Variants in BBS9 observed in about 807,000 individuals in gnomAD.
BBS9 encodes the protein Bardet-Biedl syndrome 9.
Under a neutral mutation model 117.7 loss-of-function variants are expected in BBS9, and 89 were observed. The ratio of observed to expected loss-of-function variants is 0.76; its 90% CI spans 0.64 to 0.90. The LOEUF (loss-of-function observed/expected upper bound fraction) is 0.90. BBS9 is among the 40% of genes least tolerant of loss of function. The pLI, the probability that BBS9 is intolerant of heterozygous loss-of-function variation, is 0.00. For missense variants in BBS9, 982 were observed against 1,042.2 expected, an observed-to-expected ratio of 0.94 and a Z score of 0.80; for synonymous variants, 379 against 370.9, an observed-to-expected ratio of 1.02 and a Z score of -0.25.
intron 21 of BBS9, among the ~76,000 whole-genome samples, chr7:33,595,401 G>T (rs1862577778): frequency 6.6e-6 from 1 of 152,090 alleles, no homozygotes; most frequent in South Asian, 2.1e-4. Context: ...CTTCTCAAAA[G>T]AAGACATTTA....
chr7:33,231,428 C>CTTTTTTTTTTTTTTTATTTTTTTTT (rs1792375577), intron 5 of BBS9, among the ~76,000 whole-genome samples: 1 of 106,386 alleles, frequency 9.4e-6, no homozygotes, highest in Non-Finnish European at 1.9e-5. Context: ...GCCTATGTGT[C>CTTTTTTTTTTTTTTTATTTTTTTTT]TTTTTTTTTT....
intron 20 of BBS9, among the ~76,000 whole-genome samples, chr7:33,508,713 C>T (rs1033151418): frequency 6.6e-6 from 1 of 152,184 alleles, no homozygotes; most frequent in East Asian, 1.9e-4. Flanking sequence ...CCAGGCAGGG[C>T]TGGCAGGTTG....
chr7:33,572,746 G>T (rs2700690), intron 21 of BBS9, among the ~76,000 whole-genome samples: 54,391 of 151,796 alleles, frequency 0.36, 14,143 homozygotes, highest in African/African-American at 0.73. Context: ...TACCTTCTTT[G>T]GAGAAATGTC....
chr7:33,263,465 T>C (rs1280985901), intron 6 of BBS9, among the ~76,000 whole-genome samples: 2 of 152,148 alleles, frequency 1.3e-5, no homozygotes, highest in African/African-American at 4.8e-5. Flanking sequence ...CATTAATTAA[T>C]GAGAAATATA....
intron 14 of BBS9, 153 bp downstream of exon 14, chr7:33,351,476 T>G (rs1456537862): frequency 1.4e-6 from 1 of 707,684 alleles, no homozygotes; most frequent in South Asian, 1.5e-5. Flanking sequence ...ATTACTTTTA[T>G]GTGTTATGAG....
intron 9 of BBS9, among the ~76,000 whole-genome samples, chr7:33,287,125 G>T (rs928480633): frequency 6.6e-6 from 1 of 152,146 alleles, no homozygotes; most frequent in Non-Finnish European, 1.5e-5. Flanking sequence ...TAAAAAAAGA[G>T]TGTAAATATA....
intron 19 of BBS9, among the ~76,000 whole-genome samples, chr7:33,402,949 T>C (rs568811616): frequency 5.1e-4 from 77 of 152,246 alleles, no homozygotes; most frequent in South Asian, 8.3e-4. Flanking sequence ...ACATGCAATA[T>C]TTGGTTTTCT....
intron 4 of BBS9, among the ~76,000 whole-genome samples, chr7:33,164,608 C>G (rs1795374463): frequency 6.6e-6 from 1 of 152,046 alleles, no homozygotes; most frequent in South Asian, 2.1e-4. Context: ...CTCTTTTGAT[C>G]TTTGTTGGTT....
chr7:33,577,398 A>G (rs1010916748), intron 21 of BBS9, among the ~76,000 whole-genome samples: 4 of 152,198 alleles, frequency 2.6e-5, no homozygotes, highest in Non-Finnish European at 4.4e-5. Context: ...AAAGTCAGGA[A>G]ACAACAGATG....
At chr7:33,201,763 C>T (rs946338042) in intron 5 of BBS9, among the ~76,000 whole-genome samples, 1 of 151,928 alleles carries the variant, frequency 6.6e-6, no homozygotes, top group Non-Finnish European at 1.5e-5. Flanking sequence ...TTTAATTCAC[C>T]ACCTTAAAGC....
chr7:33,137,052 T>C (rs1790596007), intron 1 of BBS9, among the ~76,000 whole-genome samples: 1 of 152,202 alleles, frequency 6.6e-6, no homozygotes, highest in African/African-American at 2.4e-5. Context: ...GGGTCTCCTC[T>C]GTTCTTGGGT....
downstream of BBS9, among the ~76,000 whole-genome samples, chr7:33,606,742 T>C (rs1420061356): frequency 6.6e-6 from 1 of 152,062 alleles, no homozygotes; most frequent in Non-Finnish European, 1.5e-5. Context: ...GAATCAATTA[T>C]CTCCTTATCC....
At chr7:33,375,140 A>G (rs892034058) in intron 17 of BBS9, among the ~76,000 whole-genome samples, 1 of 152,122 alleles carries the variant, frequency 6.6e-6, no homozygotes, top group Non-Finnish European at 1.5e-5. Flanking sequence ...AATTAAATAT[A>G]TTCTTTTCTC....
At chr7:33,548,880 C>A (rs1461523638) in intron 21 of BBS9, among the ~76,000 whole-genome samples, 1 of 149,960 alleles carries the variant, frequency 6.7e-6, no homozygotes, top group Non-Finnish European at 1.5e-5. Context: ...CAATGCCATC[C>A]CCATCAAGCT....
chr7:33,560,697 T>G (rs1027761732), intron 21 of BBS9, among the ~76,000 whole-genome samples: 2 of 152,160 alleles, frequency 1.3e-5, no homozygotes, highest in African/African-American at 4.8e-5. Flanking sequence ...ATTCAAATAC[T>G]CCAGGCCCTT....
chr7:33,495,598 T>C (rs971187143), intron 19 of BBS9, among the ~76,000 whole-genome samples: 1 of 152,162 alleles, frequency 6.6e-6, no homozygotes, highest in African/African-American at 2.4e-5. Flanking sequence ...CCGGAGAACA[T>C]TCATTCTTCT....
chr7:33,349,008 A>G (rs939575766), intron 12 of BBS9, 60 bp from the exon 13 acceptor site: 32 of 1,193,700 alleles, frequency 2.7e-5, no homozygotes, highest in Non-Finnish European at 3.7e-5. Flanking sequence ...AGTAGTTACG[A>G]TAGTCTATCA....
At chr7:33,633,776 A>G (rs943674939) in intron 21 of BBS9, among the ~76,000 whole-genome samples, 1 of 152,058 alleles carries the variant, frequency 6.6e-6, no homozygotes, top group Non-Finnish European at 1.5e-5. Flanking sequence ...ATCTTGGGTT[A>G]TGTGGTTTTG....
chr7:33,377,609 G>A (rs957941859), intron 17 of BBS9, among the ~76,000 whole-genome samples: 1 of 152,130 alleles, frequency 6.6e-6, no homozygotes, highest in Non-Finnish European at 1.5e-5. Context: ...ACTGCTTTGG[G>A]TAGTATGGCC....
Sources: allele counts gnomAD v4.1 joint callset (sites outside exome capture counted in the v4.1 genomes callset), GRCh38; gene constraint gnomAD v4.1.1; transcripts MANE v1.5; gene names NCBI Gene and HGNC (gene_info 2026-07-23, HGNC 2026-07-21).